The following WDR41 variants were observed in gnomAD, a reference collection of about 807,000 sequenced individuals.
WDR41 encodes WD repeat-containing protein 41.
WDR41 carries 63 observed loss-of-function variants against 69.3 expected under a neutral mutation model. That is an observed-to-expected ratio of 0.91 (90% CI 0.74 to 1.12). The LOEUF (loss-of-function observed/expected upper bound fraction) is 1.12, where lower values mean the gene tolerates loss of function less well. Among genes scored for constraint, WDR41 ranks in the 50% most tolerant of loss-of-function variants. WDR41 has a pLI of 0.00. For synonymous variants in WDR41, 185 were observed against 192.1 expected, an observed-to-expected ratio of 0.96 and a Z score of 0.31; for missense variants, 543 against 534.5, an observed-to-expected ratio of 1.02 and a Z score of -0.16.
intron 1 of WDR41, among the ~76,000 whole-genome samples, chr5:77,583,963 T>A (rs1388108998): frequency 1.3e-5 from 2 of 152,182 alleles, no homozygotes; most frequent in African/African-American, 4.8e-5. Flanking sequence ...ATTAATGTAA[T>A]ACATCATATC....
chr5:77,503,445 C>G (rs908314834), intron 1 of WDR41, among the ~76,000 whole-genome samples: 1 of 152,192 alleles, frequency 6.6e-6, no homozygotes, highest in African/African-American at 2.4e-5. Context: ...TAATACCCCA[C>G]TGTCAATATT....
At chr5:77,491,886 C>T in intron 1 of WDR41, 1 of 482,034 alleles carries the variant, frequency 2.1e-6, no homozygotes. Context: ...GGACTGCTGA[C>T]CAGCTGAGCG....
chr5:77,617,847 G>C (rs4704436), intron 1 of WDR41, among the ~76,000 whole-genome samples: 86,520 of 151,958 alleles, frequency 0.57, 25,719 homozygotes, highest in East Asian at 0.72. Context: ...TGTAGGAATA[G>C]TCTCATAAAA....
chr5:77,496,396 A>G (rs1801934792), upstream of WDR41, among the ~76,000 whole-genome samples: 1 of 152,114 alleles, frequency 6.6e-6, no homozygotes, highest in Non-Finnish European at 1.5e-5. Flanking sequence ...TATAGAGCTA[A>G]TAAATAAATT....
chr5:77,494,223 A>G (rs1057322234), upstream of WDR41, among the ~76,000 whole-genome samples: 2 of 152,220 alleles, frequency 1.3e-5, no homozygotes, highest in African/African-American at 4.8e-5. Flanking sequence ...AAAATAAGCT[A>G]AATACAAAAG....
At chr5:77,580,761 C>G (rs1006037892) in intron 1 of WDR41, among the ~76,000 whole-genome samples, 2 of 151,998 alleles carry the variant, frequency 1.3e-5, no homozygotes, top group Non-Finnish European at 2.9e-5. Context: ...CAAGACCATC[C>G]TGGCTAACAT....
Position 77,438,233 on chromosome 5 carries a change from C to T in WDR41, c.1004+7G>A. 1.2e-6 allele frequency: 2 copies of T among 1,613,846 alleles called. No homozygotes were observed. On this transcript the variant is annotated splice_region_variant and intron_variant, in intron 10 of 12. Transcript: ENST00000296679. ...TCATCTATTGCAGAACAGATGGGAA[C>T]TTGTACCTGTTTGGAAGTCTGGCAA...
At chr5:77,593,101 A>C (rs1744162075) in intron 1 of WDR41, among the ~76,000 whole-genome samples, 1 of 152,230 alleles carries the variant, frequency 6.6e-6, no homozygotes, top group Non-Finnish European at 1.5e-5. Context: ...ACATGCTCAG[A>C]GAGTTGAAAA....
intron 11 of WDR41, among the ~76,000 whole-genome samples, chr5:77,437,079 C>G (rs543372492): frequency 2.0e-5 from 3 of 152,240 alleles, no homozygotes; most frequent in African/African-American, 7.2e-5. Context: ...TTTGGTCATT[C>G]AGATTACCAG....
intron 1 of WDR41, among the ~76,000 whole-genome samples, chr5:77,562,058 C>T (rs1178693884): frequency 6.6e-6 from 1 of 152,170 alleles, no homozygotes; most frequent in African/African-American, 2.4e-5. Context: ...TTGTGAAAAT[C>T]CCCCTGTATC....
At chr5:77,606,248 C>G (rs1744416187) in intron 1 of WDR41, among the ~76,000 whole-genome samples, 1 of 152,152 alleles carries the variant, frequency 6.6e-6, no homozygotes, top group South Asian at 2.1e-4. Context: ...TCCATCCATT[C>G]ATTTAACGCA....
At chr5:77,545,125 A>G (rs768013489) in intron 1 of WDR41, among the ~76,000 whole-genome samples, 1 of 152,144 alleles carries the variant, frequency 6.6e-6, no homozygotes, top group Non-Finnish European at 1.5e-5. Context: ...AGACTGAACA[A>G]TAGTGACACA....
chr5:77,485,426 T>C (rs759508805), intron 2 of WDR41, among the ~76,000 whole-genome samples: 2 of 152,228 alleles, frequency 1.3e-5, no homozygotes, highest in Non-Finnish European at 2.9e-5. Context: ...CTTGTGAATG[T>C]ACAGCTTCAC....
At chr5:77,556,249 C>A (rs1369217200) in intron 1 of WDR41, among the ~76,000 whole-genome samples, 2 of 151,824 alleles carry the variant, frequency 1.3e-5, no homozygotes, top group Non-Finnish European at 1.5e-5. Flanking sequence ...GGATTATAGG[C>A]CCATGCCACC....
At chr5:77,488,649 A>T (rs79697711) in intron 2 of WDR41, among the ~76,000 whole-genome samples, 1 of 152,144 alleles carries the variant, frequency 6.6e-6, no homozygotes, top group Non-Finnish European at 1.5e-5. Flanking sequence ...ACGGCATTCA[A>T]TGTGGATGCT....
At chr5:77,484,605 T>C (rs1581759039) in intron 2 of WDR41, among the ~76,000 whole-genome samples, 2 of 152,328 alleles carry the variant, frequency 1.3e-5, no homozygotes, top group Middle Eastern at 3.4e-3. Flanking sequence ...AGTACGTTAA[T>C]AGCTCTAAAA....
chr5:77,594,830 A>G (rs553013773), intron 1 of WDR41, among the ~76,000 whole-genome samples: 85 of 152,326 alleles, frequency 5.6e-4, no homozygotes, highest in African/African-American at 2.0e-3. Context: ...CTTAATTTAA[A>G]AGACAACATC....
At chr5:77,439,868 C>T (rs1296640699) in intron 9 of WDR41, among the ~76,000 whole-genome samples, 1 of 152,142 alleles carries the variant, frequency 6.6e-6, no homozygotes, top group African/African-American at 2.4e-5. Context: ...AGGGCTACAA[C>T]TCTTAGTGAT....
Position 77,432,892 on chromosome 5 carries a change from C to CCA in WDR41, c.*241_*242dup, listed in dbSNP as rs1292456620. 2.5e-6 allele frequency: 1 copy of CCA among 397,028 alleles called. No homozygotes were observed. Among genetic ancestry groups the CCA allele is most frequent in the African/African-American group, 2.1e-5 (1 of 48,350 alleles). The allele number at this position is 397,028 out of a possible 1,614,324, so 24.6% of individuals were successfully genotyped here. A position where few individuals can be genotyped will look rare whatever the true frequency, so the allele number is the denominator to read the frequency against. On this transcript the variant is annotated 3_prime_UTR_variant, in exon 13 of 13. Transcript: ENST00000296679. ...AAATAAGCTCAAAACACAGCACTCA[C>CCA]CACTTCAACAGCAGCTCAAAGTCAA...
Sources: gnomAD v4.1 joint callset for allele counts (sites outside exome capture counted in the v4.1 genomes callset) on GRCh38, gnomAD v4.1.1 for gene constraint, MANE v1.5 for transcripts, NCBI Gene and HGNC (gene_info 2026-07-23, HGNC 2026-07-21) for gene names.